PDE8A: variants seen among roughly 807,000 people sequenced by gnomAD.
The protein encoded by PDE8A is phosphodiesterase 8A.
PDE8A carries 59 observed loss-of-function variants against 105.0 expected under a neutral mutation model. The observed-to-expected ratio is 0.56, with a 90% CI of 0.46 to 0.70. The LOEUF is 0.70. PDE8A is among the 30% of genes least tolerant of loss of function. The probability of loss-of-function intolerance (pLI) is 0.00; values close to 1 mark genes in which losing one functional copy is unlikely to be tolerated. For missense variants in PDE8A, 1,014 were observed against 1,045.9 expected (o/e 0.97, Z 0.42); for synonymous variants, 355 against 371.9 (o/e 0.95, Z 0.52).
chr15:85,076,947 G>A (rs1295577800), intron 5 of PDE8A, among the ~76,000 whole-genome samples, 160 bp downstream of exon 5: 1 of 152,092 alleles, frequency 6.6e-6, no homozygotes, highest in African/African-American at 2.4e-5. Flanking sequence ...TTGGGAGGTC[G>A]AGGTAGGAGG....
At chr15:85,009,467 A>G (rs566610848) in intron 1 of PDE8A, among the ~76,000 whole-genome samples, 76 of 152,306 alleles carry the variant, frequency 5.0e-4, no homozygotes, top group African/African-American at 1.8e-3. Context: ...CTAAGATCAT[A>G]CCCATTGTAA....
At chr15:85,078,621 T>G (rs2081417725) in intron 5 of PDE8A, among the ~76,000 whole-genome samples, 1 of 151,810 alleles carries the variant, frequency 6.6e-6, no homozygotes, top group African/African-American at 2.4e-5. Context: ...ATACATATCT[T>G]TCAACAATGA....
intron 1 of PDE8A, among the ~76,000 whole-genome samples, chr15:85,012,320 T>G (rs1042729301): frequency 6.6e-6 from 1 of 152,052 alleles, no homozygotes; most frequent in Non-Finnish European, 1.5e-5. Context: ...AATGATAGAC[T>G]GGATTAAGAA....
chr15:85,019,870 C>A (rs1235794343), intron 1 of PDE8A, among the ~76,000 whole-genome samples: 1 of 150,394 alleles, frequency 6.6e-6, no homozygotes, highest in African/African-American at 2.5e-5. Context: ...ATATGAGCCA[C>A]TATGCGTGGC....
chr15:84,989,359 C>T (rs1386745644), intron 1 of PDE8A, among the ~76,000 whole-genome samples: 11 of 152,232 alleles, frequency 7.2e-5, no homozygotes. Context: ...GTTTTGAATT[C>T]ATCCTCTTTC....
chr15:85,089,130 A>ACAC (rs2081599649), intron 6 of PDE8A, among the ~76,000 whole-genome samples: 1 of 152,230 alleles, frequency 6.6e-6, no homozygotes, highest in South Asian at 2.1e-4. Flanking sequence ...TCTTTCCTTC[A>ACAC]TATTGGAAGG....
chr15:85,006,597 A>C (rs983879269), intron 1 of PDE8A, among the ~76,000 whole-genome samples: 7 of 152,062 alleles, frequency 4.6e-5, no homozygotes, highest in Admixed American at 3.9e-4. Flanking sequence ...TATATTGTCT[A>C]TTACTTTGGC....
At chr15:85,048,234 G>C (rs537245005) in intron 1 of PDE8A, among the ~76,000 whole-genome samples, 22 of 152,084 alleles carry the variant, frequency 1.4e-4, no homozygotes, top group Non-Finnish European at 2.5e-4. Flanking sequence ...AGTTTGCTTC[G>C]TTGAAGGATA....
chr15:85,079,689 G>C (rs762569123), intron 5 of PDE8A, among the ~76,000 whole-genome samples: 1 of 152,240 alleles, frequency 6.6e-6, no homozygotes, highest in Non-Finnish European at 1.5e-5. Flanking sequence ...GAGGCAGGTG[G>C]ATCACCTGAG....
At chr15:85,093,056 A>T (rs2081674323) in intron 8 of PDE8A, among the ~76,000 whole-genome samples, 1 of 151,758 alleles carries the variant, frequency 6.6e-6, no homozygotes, top group African/African-American at 2.4e-5. Flanking sequence ...CCACGGGCAC[A>T]TGCCGTCATG....
intron 9 of PDE8A, among the ~76,000 whole-genome samples, chr15:85,099,237 G>C (rs575050091): frequency 2.0e-4 from 30 of 152,340 alleles, no homozygotes; most frequent in African/African-American, 7.0e-4. Flanking sequence ...CTTTACAGAT[G>C]AGGAAACTGA....
chr15:85,091,371 A>T (rs2081641159), intron 8 of PDE8A, among the ~76,000 whole-genome samples, 190 bp downstream of exon 8: 1 of 152,246 alleles, frequency 6.6e-6, no homozygotes, highest in African/African-American at 2.4e-5. Flanking sequence ...ATATAATATG[A>T]TTAGCCAATA....
intron 5 of PDE8A, among the ~76,000 whole-genome samples, chr15:85,082,105 G>A (rs2141498994): frequency 6.6e-6 from 1 of 152,224 alleles, no homozygotes; most frequent in Admixed American, 6.5e-5. Flanking sequence ...CCAATCAGAA[G>A]TGGGTTCCTG....
At chr15:85,109,261 A>T in intron 12 of PDE8A, 131 bp downstream of exon 12, 2 of 539,372 alleles carry the variant, frequency 3.7e-6, no homozygotes, top group Non-Finnish European at 6.7e-6. Context: ...TCTGGAAACT[A>T]GTGTTCCCTT....
In PDE8A at chr15:85,049,058, C is replaced by T. The variant is rs7167955; in HGVS notation, c.187-15312C>T. 2.2e-3 allele frequency among the ~76,000 whole-genome samples: 335 copies of T among 152,088 alleles called. 2 individuals are homozygous for T. Among genetic ancestry groups the T allele is most frequent in the African/African-American group, 7.0e-3 (291 of 41,502 alleles). ...TGGAGGTTGCAGTGAGCTGAGATCG[C>T]GCCACTGCACTCTAGCCTGGGCGAC... On this transcript the variant is annotated intron_variant, in intron 1 of 21. Transcript: ENST00000394553.
chr15:85,006,448 T>C (rs2142192122), intron 1 of PDE8A, among the ~76,000 whole-genome samples: 1 of 152,240 alleles, frequency 6.6e-6, no homozygotes, highest in Middle Eastern at 3.4e-3. Flanking sequence ...TTAGTTTGAT[T>C]TGGGAATTAA....
intron 1 of PDE8A, among the ~76,000 whole-genome samples, chr15:84,992,704 T>C (rs1489800257): frequency 2.0e-5 from 3 of 152,054 alleles, no homozygotes; most frequent in Non-Finnish European, 4.4e-5. Flanking sequence ...AAAAACTGAC[T>C]AGTGACAAAT....
Position 85,076,739 on chromosome 15 carries a change from T to A in PDE8A, c.498T>A (p.Asp166Glu). The change falls in exon 5 of 22, where the codon GAT becomes GAA. Residue 166 changes from aspartate to glutamate, a missense_variant. Physicochemically the swap from Asp to Glu is conservative, Grantham distance 45. Transcript: ENST00000394553. ...TVIVGVVRRVDREELSVMPFI... is the reference protein window; with the variant it reads ...TVIVGVVRRVEREELSVMPFI... ...TTACTGTGTTATTTTGAAGGGTGGA[T>A]AGAGAAGAGTTGTCCGTAATGCCTT... is the stretch of plus-strand genomic sequence containing the variant. 1 of 1,591,604 alleles carries A rather than the reference T, an allele frequency of 6.3e-7. No individual in the cohort carries two copies.
At chr15:85,082,050 G>C (rs1347021494) in intron 5 of PDE8A, among the ~76,000 whole-genome samples, 1 of 152,134 alleles carries the variant, frequency 6.6e-6, no homozygotes, top group Non-Finnish European at 1.5e-5. Context: ...GTCTCCTGGA[G>C]TGGCACAAGC....
Sources: gnomAD v4.1 joint callset for allele counts (sites outside exome capture counted in the v4.1 genomes callset) on GRCh38, gnomAD v4.1.1 for gene constraint, MANE v1.5 for transcripts, NCBI Gene and HGNC (gene_info 2026-07-23, HGNC 2026-07-21) for gene names.